The following MELTF variants were observed in gnomAD, a reference collection of about 807,000 sequenced individuals.
MELTF encodes the protein antigen p97 (melanoma associated) identified by monoclonal antibodies 133.2 and 96.5.
A neutral mutation model predicts 83.7 loss-of-function variants in MELTF; 67 were observed. The ratio of observed to expected loss-of-function variants is 0.80; its 90% CI spans 0.66 to 0.98. The LOEUF is 0.98. Among genes scored for constraint, MELTF ranks in the 50% least tolerant of loss-of-function variants. The pLI is 0.00. For synonymous variants in MELTF, 462 were observed against 447.6 expected, an observed-to-expected ratio of 1.03 and a Z score of -0.41; for missense variants, 1,002 against 1,035.6, an observed-to-expected ratio of 0.97 and a Z score of 0.44.
intron 14 of MELTF, among the ~76,000 whole-genome samples, chr3:197,005,115 C>T (rs191222495): frequency 4.0e-4 from 61 of 152,186 alleles, no homozygotes; most frequent in African/African-American, 1.2e-3. Flanking sequence ...CAGCATAAGT[C>T]GGGGGAGGGG....
At chr3:197,026,964 A>T (rs1039699926) in intron 2 of MELTF, 12 of 376,770 alleles carry the variant, frequency 3.2e-5, no homozygotes, top group Admixed American at 2.4e-4. Flanking sequence ...TAATAATGTT[A>T]AAAAAAAAAT....
chr3:197,017,706 T>C (rs1296784463), intron 6 of MELTF, among the ~76,000 whole-genome samples: 1 of 151,784 alleles, frequency 6.6e-6, no homozygotes, highest in South Asian at 2.1e-4. Context: ...TGAAACCCCA[T>C]CTCTACTAAA....
chr3:197,009,908 C>G, intron 10 of MELTF, 96 bp from the exon 11 acceptor site: 1 of 1,158,182 alleles, frequency 8.6e-7, no homozygotes, highest in Non-Finnish European at 1.3e-6. Flanking sequence ...CTTCCTGTCT[C>G]TTTGCCTGAG....
At chr3:197,027,633 G>A in intron 2 of MELTF, 123 bp downstream of exon 2, 1 of 1,267,154 alleles carries the variant, frequency 7.9e-7, no homozygotes, top group Non-Finnish European at 1.1e-6. Flanking sequence ...GGAGACTCGG[G>A]AGATCCTATC....
intron 14 of MELTF, chr3:197,004,630 A>T (rs1718911954): frequency 6.1e-6 from 1 of 163,874 alleles, no homozygotes; most frequent in Non-Finnish European, 1.3e-5. Flanking sequence ...CCTGCTCAGA[A>T]TCACTAGAAT....
Position 197,016,196 on chromosome 3 carries a change from G to A in MELTF, c.1074C>T (p.Asp358=), listed in dbSNP as rs758486976. The A allele has an allele frequency of 6.5e-7, 1 of 1,541,760 alleles. No individual in the cohort carries two copies. Among genetic ancestry groups the A allele is most frequent in the Non-Finnish European group, 8.8e-7 (1 of 1,141,870 alleles). Residue 358 remains aspartate (D), a synonymous_variant, in exon 8 of 16, where the codon GAC becomes GAT. Coordinates refer to ENST00000296350, the MANE Select transcript of MELTF (RefSeq NM_005929.6). ...GGGGACAGGTGGACTTACGGTTGGG[G>A]TCACAGAGCAGACCCTTCATGGCGT... ...YLHAMKGLLC[D]PNRLPPYLRW...
intron 14 of MELTF, among the ~76,000 whole-genome samples, chr3:197,005,592 C>T (rs1718944625): frequency 6.6e-6 from 1 of 152,080 alleles, no homozygotes; most frequent in Admixed American, 6.5e-5. Flanking sequence ...TGAGGAGTGG[C>T]CAGAGAGTGA....
rs148720745 is a variant in MELTF, at chr3:197,028,037, G to A, written c.50-127C>T. The A allele has an allele frequency of 2.9e-5, 33 of 1,124,268 alleles. No individual in the cohort carries two copies. The African/African-American group carries it at 3.2e-4, about 11-fold the overall frequency. 69.6% of individuals were successfully genotyped at this position (1,124,268 alleles called of 1,614,324 possible). A position where few individuals can be genotyped will look rare whatever the true frequency, so the allele number is the denominator to read the frequency against. ...ACAGCCAGTCCTCTAGGGCAGCCCT[G>A]CCCTCCCACAGGGAGGCACTAGGCG... On this transcript the variant is annotated intron_variant, in intron 1 of 15. Transcript: ENST00000296350.
chr3:197,011,334 C>T lies in MELTF; in HGVS notation c.1234-540G>A, dbSNP rs1305164948. ...TGCGGAGGCGCGGGAGGGTCCAGTGCCTTCTTCCCAGGACCCTCCTGGGGC... is the reference window on the plus strand; with the variant it reads ...TGCGGAGGCGCGGGAGGGTCCAGTGTCTTCTTCCCAGGACCCTCCTGGGGC... On this transcript the variant is annotated intron_variant, in intron 9 of 15. Transcript: ENST00000296350. This position sits in a 1 kb window ranked among gnomAD's most constrained non-coding sequence, Gnocchi z 4.2. Among the ~76,000 whole-genome samples the T allele has an allele frequency of 6.6e-6, 1 of 152,204 alleles. No homozygotes were observed. Among genetic ancestry groups the T allele is most frequent in the Non-Finnish European group, 1.5e-5 (1 of 68,020 alleles).
intron 6 of MELTF, among the ~76,000 whole-genome samples, chr3:197,018,137 T>C (rs1392243421): frequency 6.6e-6 from 1 of 152,162 alleles, no homozygotes; most frequent in African/African-American, 2.4e-5. Flanking sequence ...ATTTCCTGTC[T>C]TTTGACCTCA....
At position 197,024,313 on chromosome 3, in the gene MELTF, A is replaced by G. The variant is rs747723117; in HGVS notation, c.477T>C (p.Asp159=). The G allele has an allele frequency of 3.4e-5, 54 of 1,571,650 alleles. No homozygotes were observed. Among genetic ancestry groups the G allele is most frequent in the Non-Finnish European group, 4.5e-5 (52 of 1,154,494 alleles). The change falls in exon 4 of 16, where the codon GAT becomes GAC. Residue 159 remains aspartate, a synonymous_variant. Transcript: ENST00000296350. The surrounding 1 kb of genome is among the most constrained non-coding windows in gnomAD (Gnocchi z 5.3). ...GCCCAAAGCCCTCACCTTTGAGTAC[A>G]TCGCAGCCCATCACCGAGAGGCGGC... The part of the protein sequence containing the change: ...ESGRLSVMGC[D]VLKAVSDYFG...
Position 197,006,773 on chromosome 3 carries a change from G to A in MELTF, c.1751-37C>T, listed in dbSNP as rs750120275. The stretch of plus-strand genomic sequence containing the variant: ...AAAGCAGTGTGTGTGGGGACGTTCC[G>A]GGAGTGGAGAGAAGTGTAAAGAGAA... On this transcript the variant is annotated intron_variant, in intron 13 of 15. Transcript: ENST00000296350. This position sits in a 1 kb window ranked among gnomAD's most constrained non-coding sequence, Gnocchi z 5.4. 9.5e-6 allele frequency: 14 copies of A among 1,470,368 alleles called. No individual in the cohort carries two copies. The highest frequency in any genetic ancestry group is 7.1e-5 in the South Asian group (5 of 70,056). 91.1% of individuals were successfully genotyped at this position (1,470,368 alleles called of 1,614,324 possible).
At chr3:197,017,773 A>G (rs1175422849) in intron 6 of MELTF, among the ~76,000 whole-genome samples, 1 of 152,088 alleles carries the variant, frequency 6.6e-6, no homozygotes, top group Non-Finnish European at 1.5e-5. Context: ...GCTACTGGGG[A>G]GGCTGAGGCA....
rs372679172 is a variant in MELTF at position 197,019,737 on chromosome 3, G to A, written c.712+1667C>T. On this transcript the variant is annotated intron_variant, in intron 6 of 15. Coordinates refer to ENST00000296350, the MANE Select transcript of MELTF (RefSeq NM_005929.6). ...AGCGCATCGTCCTACGTGCTTCCTCGTGTGCAGGGCACTCGCCTTCTTCCT... is the reference window on the plus strand; with the variant it reads ...AGCGCATCGTCCTACGTGCTTCCTCATGTGCAGGGCACTCGCCTTCTTCCT... 3.4e-5 allele frequency: 55 copies of A among 1,611,522 alleles called. No homozygotes were observed. The East Asian group carries it at 6.0e-4, about 18-fold the overall frequency.
chr3:197,013,485 G>A (rs1010497903), intron 9 of MELTF, among the ~76,000 whole-genome samples: 2 of 152,186 alleles, frequency 1.3e-5, no homozygotes, highest in East Asian at 3.8e-4. Flanking sequence ...AAAAGACCTC[G>A]AAAGCATAGG....
Position 197,009,764 on chromosome 3 carries a change from T to A in MELTF, c.1379A>T (p.Asp460Val), listed in dbSNP as rs1350086830. ...ATCCAAGGTGAAGGCGTGGGAGCTG[T>A]CCCGTCTCACCACGGCCACCACGTA... ...SYYVVAVVRR[D>V]SSHAFTLDEL... Residue 460 changes from aspartate (D) to valine (V), a missense_variant, in exon 11 of 16, where the codon GAC becomes GTC. Asp to Val is a radical substitution (Grantham distance 152, BLOSUM62 -3). Transcript: ENST00000296350. 1.2e-6 allele frequency: 2 copies of A among 1,613,274 alleles called. No homozygotes were observed. Among genetic ancestry groups the A allele is most frequent in the Admixed American group, 3.3e-5 (2 of 60,000 alleles).
At chr3:197,009,501 C>T (rs1192343414) in intron 11 of MELTF, 117 bp downstream of exon 11, 12 of 950,746 alleles carry the variant, frequency 1.3e-5, no homozygotes, top group South Asian at 6.7e-5. Context: ...GATACCTGGG[C>T]ACATATGCAG....
chr3:197,029,562 C>T lies in MELTF; in HGVS notation c.49+92G>A. On this transcript the variant is annotated intron_variant, in intron 1 of 15. Coordinates refer to ENST00000296350, the MANE Select transcript of MELTF (RefSeq NM_005929.6). This position sits in a 1 kb window ranked among gnomAD's most constrained non-coding sequence, Gnocchi z 6.5. ...CGTCTCACTGCCCCGGAGCCGCAGGCTCAGGCACATTTCCAGCCCCGGGAC... is the reference window on the plus strand; with the variant it reads ...CGTCTCACTGCCCCGGAGCCGCAGGTTCAGGCACATTTCCAGCCCCGGGAC... The T allele has an allele frequency of 1.8e-6, 2 of 1,082,992 alleles. No individual in the cohort carries two copies. Among genetic ancestry groups the T allele is most frequent in the Non-Finnish European group, 2.3e-6 (2 of 851,460 alleles). The allele number at this position is 1,082,992 out of a possible 1,614,324, so 67.1% of individuals were successfully genotyped here. A position where few individuals can be genotyped will look rare whatever the true frequency, so the allele number is the denominator to read the frequency against.
rs955680527 is a variant in MELTF, at chr3:197,017,686, G to A, written c.713-396C>T. Among the ~76,000 whole-genome samples, 5 of 152,202 alleles carry A rather than the reference G, an allele frequency of 3.3e-5. No homozygotes were observed. The South Asian group carries it at 8.3e-4, about 25-fold the overall frequency. On this transcript the variant is annotated intron_variant, in intron 6 of 15. Transcript: ENST00000296350. ...AGGTCAGGAGATCAAGACCATCCTG[G>A]CTAACACGGTGAAACCCCATCTCTA...
Sources: allele counts gnomAD v4.1 joint callset (sites outside exome capture counted in the v4.1 genomes callset), GRCh38; gene constraint gnomAD v4.1.1; non-coding constraint Gnocchi (gnomAD v3.1); transcripts MANE v1.5; gene names NCBI Gene and HGNC (gene_info 2026-07-23, HGNC 2026-07-21).